VWF: variants seen among roughly 807,000 people sequenced by gnomAD.
VWF encodes the protein Factor VIII related antigen.
In VWF, 176 loss-of-function variants were observed where a neutral mutation model predicts 308.6. The observed-to-expected ratio is 0.57, with a 90% CI of 0.50 to 0.65. The LOEUF is 0.65. VWF is among the 30% of genes least tolerant of loss of function. The probability of loss-of-function intolerance (pLI) is 0.00; values close to 1 mark genes in which losing one functional copy is unlikely to be tolerated. For synonymous variants in VWF, 1,385 were observed against 1,443.4 expected, an observed-to-expected ratio of 0.96 and a Z score of 0.92; for missense variants, 3,146 against 3,648.2, an observed-to-expected ratio of 0.86 and a Z score of 3.55.
At chr12:6,094,245 T>C (rs1216967933) in intron 6 of VWF, among the ~76,000 whole-genome samples, 2 of 152,156 alleles carry the variant, frequency 1.3e-5, no homozygotes, top group Non-Finnish European at 2.9e-5. Context: ...GAGTATGAGA[T>C]AATTTGTTAC....
intron 15 of VWF, among the ~76,000 whole-genome samples, chr12:6,055,239 A>C (rs1944563257): frequency 5.3e-5 from 8 of 152,220 alleles, no homozygotes; most frequent in Non-Finnish European, 1.2e-4. Context: ...GTCCTAAATT[A>C]AGAAATCCTG....
chr12:5,967,774 C>T (rs538844330), intron 46 of VWF, among the ~76,000 whole-genome samples, 172 bp from the exon 47 acceptor site: 2 of 152,268 alleles, frequency 1.3e-5, no homozygotes, highest in South Asian at 4.2e-4. Flanking sequence ...CCTCCAGTAT[C>T]AAGATGGTAA....
intron 47 of VWF, among the ~76,000 whole-genome samples, chr12:5,955,772 A>G (rs1444708034): frequency 2.6e-5 from 4 of 152,208 alleles, no homozygotes; most frequent in Non-Finnish European, 5.9e-5. Context: ...CAATCTGGAA[A>G]CTTTAGGAAA....
At position 6,075,927 on chromosome 12, in the gene VWF, T is replaced by C. The variant is rs1944838302; in HGVS notation, c.658-376A>G. Among the ~76,000 whole-genome samples, 2 of 152,214 alleles carry C rather than the reference T, an allele frequency of 1.3e-5. No homozygotes were observed. Among genetic ancestry groups the C allele is most frequent in the African/African-American group, 4.8e-5 (2 of 41,450 alleles). On this transcript the variant is annotated intron_variant, in intron 6 of 51. Transcript: ENST00000261405. This position sits in a 1 kb window ranked among gnomAD's most constrained non-coding sequence, Gnocchi z 4.7. ...CCAGGAATGCTGTCAGCATCGGTTC[T>C]GCACTGACCTGTTCAGCTCCCCTCC...
intron 5 of VWF, among the ~76,000 whole-genome samples, chr12:6,101,859 T>C (rs372796621): frequency 1.3e-5 from 2 of 151,162 alleles, no homozygotes; most frequent in African/African-American, 4.9e-5. Flanking sequence ...TGACTGAAAA[T>C]GTTCTAAATC....
intron 47 of VWF, among the ~76,000 whole-genome samples, chr12:5,960,378 A>G (rs551364236): frequency 3.2e-4 from 48 of 152,312 alleles, no homozygotes; most frequent in Non-Finnish European, 6.3e-4. Flanking sequence ...TCTTTTCCAC[A>G]TGAAAAGCTT....
chr12:6,073,542 T>C, intron 8 of VWF, 77 bp downstream of exon 8: 1 of 1,602,814 alleles, frequency 6.2e-7, no homozygotes, highest in South Asian at 1.1e-5. Context: ...CAAACACAAG[T>C]GGCCTTCATC....
Position 6,020,022 on chromosome 12 carries a change from G to A in VWF, c.3675-279C>T, listed in dbSNP as rs146988430. On this transcript the variant is annotated intron_variant, in intron 27 of 51. Transcript: ENST00000261405. This position sits in a 1 kb window ranked among gnomAD's most constrained non-coding sequence, Gnocchi z 4.3. ...TCCTAGGATATGAAAAAATATACTCGTTGTTCTAGGCCATCCACACAACCA... is the reference window on the plus strand; with the variant it reads ...TCCTAGGATATGAAAAAATATACTCATTGTTCTAGGCCATCCACACAACCA... 8.3e-3 allele frequency among the ~76,000 whole-genome samples: 1,259 copies of A among 152,228 alleles called. 11 individuals carry two copies. Among genetic ancestry groups the A allele is most frequent in the African/African-American group, 0.021 (891 of 41,536 alleles).
At chr12:6,120,761 G>A (rs192655734) in intron 3 of VWF, among the ~76,000 whole-genome samples, 171 of 152,284 alleles carry the variant, frequency 1.1e-3, no homozygotes, top group African/African-American at 3.5e-3. Context: ...CCTTCTGCAG[G>A]AATACAGGAA....
chr12:5,981,244 C>G (rs148538027), intron 42 of VWF, among the ~76,000 whole-genome samples: 1 of 150,722 alleles, frequency 6.6e-6, no homozygotes, highest in Non-Finnish European at 1.5e-5. Context: ...ATTAACTGCT[C>G]GTAGCCAGGT....
intron 31 of VWF, among the ~76,000 whole-genome samples, chr12:6,013,882 TC>T (rs1944025176): frequency 6.6e-6 from 1 of 151,688 alleles, no homozygotes; most frequent in Admixed American, 6.6e-5. Flanking sequence ...TCCCTCCCTG[TC>T]CCCCGTCCTC....
At chr12:5,992,584 T>C (rs901328010) in intron 37 of VWF, among the ~76,000 whole-genome samples, 1 of 152,250 alleles carries the variant, frequency 6.6e-6, no homozygotes, top group African/African-American at 2.4e-5. Flanking sequence ...TGAACCTGTG[T>C]GTCCTTAGTA....
chr12:5,968,812 C>G lies in VWF; in HGVS notation c.7729+399G>C, dbSNP rs144795533. The stretch of plus-strand genomic sequence containing the variant: ...GTCACTCCAGAGTGAGAATCTGCCT[C>G]AAACAAACAAACAAACAAATAAATA... On this transcript the variant is annotated intron_variant, in intron 45 of 51. Coordinates refer to ENST00000261405, the MANE Select transcript of VWF (RefSeq NM_000552.5). 4.0e-3 allele frequency among the ~76,000 whole-genome samples: 615 copies of G among 152,206 alleles called. 4 individuals are homozygous for G. Among genetic ancestry groups the G allele is most frequent in the African/African-American group, 0.014 (573 of 41,504 alleles).
At chr12:6,022,546 T>C (rs1477993608) in intron 26 of VWF, among the ~76,000 whole-genome samples, 194 bp downstream of exon 26, 2 of 144,488 alleles carry the variant, frequency 1.4e-5, no homozygotes, top group Non-Finnish European at 3.0e-5. Context: ...GAAAAGCATT[T>C]TGGAGGAGCT....
In VWF at chr12:6,121,007, G is replaced by A. The variant is rs79237421; in HGVS notation, c.220+167C>T. ...CGGCTCCCGTGGGGAGAGACCCGGG[G>A]AAAGCCAAGAGGGGCTACGTGTCAC... On this transcript the variant is annotated intron_variant, in intron 3 of 51. Transcript: ENST00000261405. Among the ~76,000 whole-genome samples, 24 of 152,312 alleles carry A rather than the reference G, an allele frequency of 1.6e-4. No individual in the cohort carries two copies. In the East Asian group the frequency reaches 3.1e-3, roughly 20 times the overall value.
intron 5 of VWF, among the ~76,000 whole-genome samples, chr12:6,103,968 G>C (rs748996506): frequency 2.0e-5 from 3 of 152,142 alleles, no homozygotes; most frequent in Non-Finnish European, 2.9e-5. Flanking sequence ...ATCATCAACA[G>C]AGTGAAGAGA....
intron 5 of VWF, among the ~76,000 whole-genome samples, chr12:6,098,499 C>G (rs1426911804): frequency 1.3e-5 from 2 of 152,170 alleles, no homozygotes; most frequent in Non-Finnish European, 2.9e-5. Context: ...AAAAGACAAG[C>G]CTGGCGCAGT....
intron 6 of VWF, among the ~76,000 whole-genome samples, chr12:6,078,728 C>T (rs989893588): frequency 1.3e-5 from 2 of 152,146 alleles, no homozygotes; most frequent in African/African-American, 4.8e-5. Flanking sequence ...CAGCAGGACA[C>T]AGTACCAGCC....
At chr12:5,986,822 G>C (rs1371262347) in intron 38 of VWF, among the ~76,000 whole-genome samples, 3 of 152,254 alleles carry the variant, frequency 2.0e-5, no homozygotes, top group Non-Finnish European at 4.4e-5. Context: ...CAATGAGAAA[G>C]CTAAGGCACC....
Sources: gnomAD v4.1 joint callset for allele counts (sites outside exome capture counted in the v4.1 genomes callset) on GRCh38, gnomAD v4.1.1 for gene constraint, Gnocchi (gnomAD v3.1) non-coding constraint, MANE v1.5 for transcripts, NCBI Gene and HGNC (gene_info 2026-07-23, HGNC 2026-07-21) for gene names.